Variants in UBE2B observed in about 807,000 individuals in gnomAD.
UBE2B encodes ubiquitin-conjugating enzyme E2 B.
A neutral mutation model predicts 24.6 loss-of-function variants in UBE2B; 11 were observed. That is an observed-to-expected ratio of 0.45 (90% CI 0.28 to 0.74). The LOEUF (loss-of-function observed/expected upper bound fraction) is 0.74, where lower values mean the gene tolerates loss of function less well. UBE2B is among the 30% of genes least tolerant of loss of function. The pLI is 0.13. For synonymous variants in UBE2B, 68 were observed against 62.4 expected, an observed-to-expected ratio of 1.09 and a Z score of -0.42; for missense variants, 78 against 185.6, an observed-to-expected ratio of 0.42 and a Z score of 3.37.
rs1212028965 is a variant in UBE2B, at chr5:134,390,386, T to C, written c.*33T>C. The C allele has an allele frequency of 1.9e-6, 3 of 1,613,106 alleles. No homozygotes were observed. Among genetic ancestry groups the C allele is most frequent in the Admixed American group, 3.3e-5 (2 of 59,972 alleles). On this transcript the variant is annotated 3_prime_UTR_variant, in exon 6 of 6. Transcript: ENST00000265339. The surrounding 1 kb of genome is among the most constrained non-coding windows in gnomAD (Gnocchi z 4.6). ...CTGGTCTGTTAATCTTTTTCATCAT[T>C]GTTGTGTATAATTTACCTCTCATTA...
At chr5:134,376,646 A>G (rs778636013) in intron 2 of UBE2B, 23 bp from the exon 3 acceptor site, 1 of 1,610,876 alleles carries the variant, frequency 6.2e-7, no homozygotes, top group South Asian at 1.1e-5. Flanking sequence ...ACTTCTTTTA[A>G]TCAGAAATCT....
In UBE2B at chr5:134,371,669, G is replaced by C. The variant is rs779569327; in HGVS notation, c.44+30G>C. 1.2e-5 allele frequency: 20 copies of C among 1,613,156 alleles called. No individual in the cohort carries two copies. The South Asian group carries it at 1.4e-4, about 12-fold the overall frequency. ...GGGCCTTCACCTTCGCCTAGATGAC[G>C]GCCCCTCAAAGCTGCGGGGCTGCAG... On this transcript the variant is annotated intron_variant, in intron 1 of 5. Coordinates refer to ENST00000265339, the MANE Select transcript of UBE2B (RefSeq NM_003337.4).
Position 134,377,729 on chromosome 5 carries a change from G to T in UBE2B, c.151+1035G>T, listed in dbSNP as rs116681347. On this transcript the variant is annotated intron_variant, in intron 3 of 5. Transcript: ENST00000265339. ...TGGGGTCTTGGAGACCCTCTCGGGGGACCCATACGATCAAATCTCATCATA... is the reference window on the plus strand; with the variant it reads ...TGGGGTCTTGGAGACCCTCTCGGGGTACCCATACGATCAAATCTCATCATA... Among the ~76,000 whole-genome samples the T allele has an allele frequency of 4.6e-3, 700 of 152,170 alleles. 4 individuals carry two copies. The highest frequency in any genetic ancestry group is 0.016 in the African/African-American group (671 of 41,508).
rs549135999 is a variant in UBE2B, at chr5:134,391,811, A to T, written c.*1458A>T. The T allele has an allele frequency of 7.9e-5, 12 of 152,268 alleles. No individual in the cohort carries two copies. Among genetic ancestry groups the T allele is most frequent in the African/African-American group, 2.6e-4 (11 of 41,562 alleles). 9.4% of individuals were successfully genotyped at this position (152,268 alleles called of 1,614,324 possible). A position where few individuals can be genotyped will look rare whatever the true frequency, so the allele number is the denominator to read the frequency against. On this transcript the variant is annotated 3_prime_UTR_variant, in exon 6 of 6. Coordinates refer to ENST00000265339, the MANE Select transcript of UBE2B (RefSeq NM_003337.4). ...GACTTTTCTCTACTTTAAATTTTTT[A>T]AAAAATTAGTTGGGCATAGTGGCAC...
At chr5:134,386,814 G>A (rs903193217) in intron 4 of UBE2B, among the ~76,000 whole-genome samples, 2 of 151,908 alleles carry the variant, frequency 1.3e-5, no homozygotes, top group Non-Finnish European at 2.9e-5. Flanking sequence ...TATTTTTAAG[G>A]TAATAGTCTG....
intron 1 of UBE2B, among the ~76,000 whole-genome samples, chr5:134,372,506 T>A (rs1758484430): frequency 6.6e-6 from 1 of 152,234 alleles, no homozygotes; most frequent in East Asian, 1.9e-4. Context: ...AAACATCATT[T>A]TGATACTCTG....
chr5:134,387,835 C>T (rs1220607392), intron 4 of UBE2B, among the ~76,000 whole-genome samples: 2 of 152,026 alleles, frequency 1.3e-5, no homozygotes, highest in Non-Finnish European at 2.9e-5. Flanking sequence ...CAGGTTCTTA[C>T]CCTGTCATCC....
intron 3 of UBE2B, among the ~76,000 whole-genome samples, chr5:134,380,006 C>T (rs1758683621): frequency 1.3e-5 from 2 of 152,076 alleles, no homozygotes; most frequent in Admixed American, 6.6e-5. Context: ...ACCTCCGCCT[C>T]CCAGGTTCAA....
At chr5:134,384,727 G>A (rs892070041) in intron 4 of UBE2B, among the ~76,000 whole-genome samples, 4 of 152,044 alleles carry the variant, frequency 2.6e-5, no homozygotes, top group Admixed American at 1.3e-4. Flanking sequence ...ACACCAAGCT[G>A]TTGACCCACT....
At chr5:134,387,934 C>G (rs1758833101) in intron 4 of UBE2B, among the ~76,000 whole-genome samples, 1 of 152,242 alleles carries the variant, frequency 6.6e-6, no homozygotes, top group East Asian at 1.9e-4. Context: ...TTCCAAGTAG[C>G]TGGGATTACA....
chr5:134,380,671 T>C (rs1033922646), intron 3 of UBE2B, 48 bp from the exon 4 acceptor site: 15 of 1,124,394 alleles, frequency 1.3e-5, no homozygotes, highest in Non-Finnish European at 1.9e-5. Context: ...ATGAAGAGAT[T>C]AAAAAGTCGT....
intron 2 of UBE2B, among the ~76,000 whole-genome samples, chr5:134,375,797 CAAAAAAAAAAAAA>C (rs775635194): frequency 3.0e-4 from 9 of 29,892 alleles, no homozygotes; most frequent in East Asian, 3.5e-3. Context: ...GACTCCGTCT[CAAAAAAAAAAAAA>C]AAAAAAAAAA....
At chr5:134,377,313 T>G (rs1301332269) in intron 3 of UBE2B, among the ~76,000 whole-genome samples, 1 of 152,220 alleles carries the variant, frequency 6.6e-6, no homozygotes, top group East Asian at 1.9e-4. Flanking sequence ...TTGTTATCAT[T>G]AACAAAATGA....
In UBE2B at chr5:134,389,672, C is replaced by A. The variant is rs372042751; in HGVS notation, c.331-553C>A. Among the ~76,000 whole-genome samples the A allele has an allele frequency of 1.6e-4, 25 of 152,024 alleles. 2 individuals are homozygous for A. The East Asian group carries it at 2.7e-3, about 17-fold the overall frequency. Reference sequence around the variant, plus strand: ...CAAGCAATTCTCCTGCCTCAGCCTTCCGAGTAGCGGATTACGGGCATGCGC... The same window carrying A: ...CAAGCAATTCTCCTGCCTCAGCCTTACGAGTAGCGGATTACGGGCATGCGC... On this transcript the variant is annotated intron_variant, in intron 5 of 5. Transcript: ENST00000265339.
chr5:134,376,907 T>C (rs983799098), intron 3 of UBE2B, among the ~76,000 whole-genome samples: 2 of 152,196 alleles, frequency 1.3e-5, no homozygotes, highest in African/African-American at 4.8e-5. Flanking sequence ...ACTTTAATAT[T>C]TTCCTGTATA....
In UBE2B at chr5:134,392,055, C is replaced by G. The variant is rs770240455; in HGVS notation, c.*1702C>G. 25 of 152,164 alleles carry G rather than the reference C, an allele frequency of 1.6e-4. No individual in the cohort carries two copies. Among genetic ancestry groups the G allele is most frequent in the Non-Finnish European group, 2.9e-4 (20 of 68,042 alleles). The allele number at this position is 152,164 out of a possible 1,614,324, so 9.4% of individuals were successfully genotyped here. A position where few individuals can be genotyped will look rare whatever the true frequency, so the allele number is the denominator to read the frequency against. On this transcript the variant is annotated 3_prime_UTR_variant, in exon 6 of 6. Transcript: ENST00000265339. ...CAAATGGGAATTCACTCACTGGAAT[C>G]GTGGCTCCCAAAAAGATGCTTTAAT...
rs529208352 is a variant in UBE2B, at chr5:134,389,008, A to G, written c.330+595A>G. The G allele has an allele frequency of 2.2e-4, 65 of 300,608 alleles. No individual in the cohort carries two copies. The East Asian group carries it at 4.3e-3, about 20-fold the overall frequency. 18.6% of individuals were successfully genotyped at this position (300,608 alleles called of 1,614,324 possible). On this transcript the variant is annotated intron_variant, in intron 5 of 5. Coordinates refer to ENST00000265339, the MANE Select transcript of UBE2B (RefSeq NM_003337.4). ...GCTCTGTTGCCCAGACTGGAGTGCA[A>G]TGGCACAATCTTGGCTCACCGCAAC... is the stretch of plus-strand genomic sequence containing the variant.
intron 2 of UBE2B, 113 bp from the exon 3 acceptor site, chr5:134,376,556 A>G (rs777669201): frequency 8.7e-7 from 1 of 1,149,132 alleles, no homozygotes; most frequent in South Asian, 1.3e-5. Context: ...AAACTCCACA[A>G]ATCATCAGAA....
intron 1 of UBE2B, 141 bp from the exon 2 acceptor site, chr5:134,374,242 T>G (rs1172203095): frequency 5.3e-6 from 4 of 748,212 alleles, no homozygotes; most frequent in Non-Finnish European, 9.3e-6. Context: ...TTAAGTCATA[T>G]GGTTCATTTT....
Sources: allele counts gnomAD v4.1 joint callset (sites outside exome capture counted in the v4.1 genomes callset), GRCh38; gene constraint gnomAD v4.1.1; non-coding constraint Gnocchi (gnomAD v3.1); transcripts MANE v1.5; gene names NCBI Gene and HGNC (gene_info 2026-07-23, HGNC 2026-07-21).